The following ZNF362 variants were observed in gnomAD, a reference collection of about 807,000 sequenced individuals.
The protein encoded by ZNF362 is rotund homolog.
Under a neutral mutation model 42.9 loss-of-function variants are expected in ZNF362, and 11 were observed. The ratio of observed to expected loss-of-function variants is 0.26; its 90% CI spans 0.16 to 0.42. The LOEUF is 0.42. Ranked by LOEUF, ZNF362 falls within the 20% of genes least tolerant of loss-of-function variation. ZNF362 has a pLI of 1.00. For synonymous variants in ZNF362, 255 were observed against 257.3 expected (o/e 0.99, Z 0.09); for missense variants, 362 against 576.2 (o/e 0.63, Z 3.81).
the ZNF362 span, chr1:33,176,585 C>T: frequency 1.5e-5 from 8 of 539,942 alleles, no homozygotes; most frequent in African/African-American, 1.3e-4. Context: ...CTGCTCTGAC[C>T]AAGATGACGT....
At position 33,276,348 on chromosome 1, in the gene ZNF362, C is replaced by A; in HGVS notation, c.103C>A (p.Leu35Met). 1.3e-6 allele frequency: 2 copies of A among 1,550,900 alleles called. No homozygotes were observed. The highest frequency in any genetic ancestry group is 1.7e-6 in the Non-Finnish European group (2 of 1,145,332). The change falls in exon 4 of 9, where the codon CTG (leucine) becomes ATG (methionine). Residue 35 changes from leucine to methionine, a missense_variant and splice_region_variant. Around this residue, in one of 3 missense-constraint regions of ZNF362, gnomAD observed 266 missense variants for 365.4 expected, o/e 0.73. Coordinates refer to ENST00000539719, the MANE Select transcript of ZNF362 (RefSeq NM_152493.3). ...TCAGCCCGTCCTCTTCTTCCCGCAG[C>A]TGGACAACCTGGTTCTGATTAACAA... ...WPPPPTMPSQLDNLVLINKIK... is the reference protein window; with the variant it reads ...WPPPPTMPSQMDNLVLINKIK...
At chr1:33,219,342 G>A in the ZNF362 span, among the ~76,000 whole-genome samples, 8 of 152,328 alleles carry the variant, frequency 5.3e-5, no homozygotes, top group South Asian at 1.2e-3. Flanking sequence ...ACCTCTGCCC[G>A]CCATTCATTC....
At chr1:33,218,900 C>A in the ZNF362 span, among the ~76,000 whole-genome samples, 1 of 150,146 alleles carries the variant, frequency 6.7e-6, no homozygotes. Context: ...CACTTTCAGG[C>A]TGGACGCACA....
chr1:33,243,335 C>G, the ZNF362 span, among the ~76,000 whole-genome samples: 19 of 151,908 alleles, frequency 1.3e-4, no homozygotes, highest in African/African-American at 4.6e-4. Context: ...CGCCGCACCA[C>G]CCGGCTAATT....
At chr1:33,241,092 C>G in the ZNF362 span, among the ~76,000 whole-genome samples, 1 of 143,716 alleles carries the variant, frequency 7.0e-6, no homozygotes, top group Non-Finnish European at 1.5e-5. Context: ...AATTCCCCCG[C>G]CCCGCCCCAC....
chr1:33,140,493 A>T, the ZNF362 span, among the ~76,000 whole-genome samples: 5 of 152,332 alleles, frequency 3.3e-5, no homozygotes, highest in East Asian at 9.6e-4. The surrounding 1 kb of genome is among the most constrained non-coding windows in gnomAD (Gnocchi z 4.0). Context: ...GGAAGCAGGC[A>T]CAGGGGCTCA....
At chr1:33,144,778 C>A in the ZNF362 span, among the ~76,000 whole-genome samples, 1 of 152,148 alleles carries the variant, frequency 6.6e-6, no homozygotes, top group African/African-American at 2.4e-5. Context: ...TGGTCCTGGT[C>A]TAGGTGGTTC....
At chr1:33,247,320 C>G in the ZNF362 span, among the ~76,000 whole-genome samples, 1 of 152,214 alleles carries the variant, frequency 6.6e-6, no homozygotes, top group East Asian at 1.9e-4. Context: ...AACTGAGGCA[C>G]AAAGAGGGGA....
At chr1:33,182,600 T>TTGTGTG in the ZNF362 span, among the ~76,000 whole-genome samples, 2,010 of 147,060 alleles carry the variant, frequency 0.014, 41 homozygotes, top group African/African-American at 0.029. Flanking sequence ...AGTGCTGTAT[T>TTGTGTG]TGTGTGTGTG....
chr1:33,275,177 G>A (rs1645934457), intron 2 of ZNF362: 2 of 985,406 alleles, frequency 2.0e-6, no homozygotes, highest in South Asian at 4.7e-5. Flanking sequence ...CCTCTGTGAG[G>A]CATGGTCCCT....
chr1:33,261,871 C>T (rs180947762), intron 1 of ZNF362, among the ~76,000 whole-genome samples: 44 of 152,330 alleles, frequency 2.9e-4, no homozygotes, highest in Non-Finnish European at 5.1e-4. Context: ...GCTGCTGCTG[C>T]AGTATCTGCC....
the ZNF362 span, among the ~76,000 whole-genome samples, chr1:33,250,894 A>AGAAGAAGAAGAAGAG: frequency 1.3e-5 from 2 of 150,666 alleles, no homozygotes; most frequent in East Asian, 4.0e-4. Flanking sequence ...AAGAAGAAGA[A>AGAAGAAGAAGAAGAG]GGAGAAGAAG....
chr1:33,148,336 G>T, the ZNF362 span, among the ~76,000 whole-genome samples: 3 of 152,180 alleles, frequency 2.0e-5, no homozygotes, highest in Non-Finnish European at 4.4e-5. Context: ...GTATAAACAT[G>T]AAATTTTTTT....
intron 2 of ZNF362, among the ~76,000 whole-genome samples, chr1:33,271,238 C>T (rs1645901789): frequency 6.6e-6 from 1 of 152,242 alleles, no homozygotes; most frequent in Non-Finnish European, 1.5e-5. Context: ...CATCTCCCAT[C>T]TGCCAGGCAA....
the ZNF362 span, among the ~76,000 whole-genome samples, chr1:33,250,047 C>T: frequency 6.8e-6 from 1 of 147,400 alleles, no homozygotes; most frequent in South Asian, 2.1e-4. Context: ...AGTGAATGGG[C>T]AGACAGTCAT....
At position 33,281,557 on chromosome 1, in the gene ZNF362, T is replaced by C. The variant is rs1236385227; in HGVS notation, c.684-30T>C. ...CTGAGATGGACAGTCTGGGGGATCT[T>C]CCCACGTGAACCTGTCTCTTGCTCC... On this transcript the variant is annotated intron_variant, in intron 5 of 8. Coordinates refer to ENST00000539719, the MANE Select transcript of ZNF362 (RefSeq NM_152493.3). This position sits in a 1 kb window ranked among gnomAD's most constrained non-coding sequence, Gnocchi z 4.8. 6.2e-7 allele frequency: 1 copy of C among 1,610,730 alleles called. No individual in the cohort carries two copies. Among genetic ancestry groups the C allele is most frequent in the Non-Finnish European group, 8.5e-7 (1 of 1,177,028 alleles).
chr1:33,224,663 A>G, the ZNF362 span, among the ~76,000 whole-genome samples: 2 of 152,332 alleles, frequency 1.3e-5, no homozygotes, highest in Non-Finnish European at 2.9e-5. Context: ...CATGAAACAC[A>G]TGGACATGTC....
intron 2 of ZNF362, chr1:33,274,808 G>T (rs552710440): frequency 2.8e-6 from 1 of 362,624 alleles, no homozygotes; most frequent in Non-Finnish European, 3.8e-6. Flanking sequence ...CCTTGGACAG[G>T]TCTCCTCCTT....
At chr1:33,211,996 T>C in the ZNF362 span, among the ~76,000 whole-genome samples, 4 of 152,204 alleles carry the variant, frequency 2.6e-5, no homozygotes, top group African/African-American at 9.7e-5. Context: ...TCCCTGGTGT[T>C]GGAGGTGGGA....
Sources: allele counts gnomAD v4.1 joint callset (sites outside exome capture counted in the v4.1 genomes callset), GRCh38; gene constraint gnomAD v4.1.1; regional missense constraint gnomAD v4.1.1; non-coding constraint Gnocchi (gnomAD v3.1); transcripts MANE v1.5; gene names NCBI Gene and HGNC (gene_info 2026-07-23, HGNC 2026-07-21).